Variants in MIPOL1 observed in about 807,000 individuals in gnomAD.
MIPOL1 encodes mirror-image polydactyly 1.
Under a neutral mutation model 60.9 loss-of-function variants are expected in MIPOL1, and 57 were observed. That is an observed-to-expected ratio of 0.94 (90% confidence interval 0.76 to 1.17). The LOEUF (loss-of-function observed/expected upper bound fraction) is 1.17, where lower values mean the gene tolerates loss of function less well. MIPOL1 is among the 50% of genes most tolerant of loss of function. The pLI, the probability that MIPOL1 is intolerant of heterozygous loss-of-function variation, is 0.00. For missense variants in MIPOL1, 551 were observed against 511.6 expected (o/e 1.08, Z -0.74); for synonymous variants, 179 against 168.8 (o/e 1.06, Z -0.47).
Position 37,548,028 on chromosome 14 carries a change from T to C in MIPOL1, c.*1057T>C, listed in dbSNP as rs532568262. On this transcript the variant is annotated 3_prime_UTR_variant, in exon 13 of 13. Transcript: ENST00000684589. ...AGAACTGAGATTTTTATGTAATTAG[T>C]TATAGGCAAAATACTTTCATATTTT... 1.7e-4 allele frequency: 26 copies of C among 152,166 alleles called. No homozygotes were observed. The highest frequency in any genetic ancestry group is 5.8e-4 in the African/African-American group (24 of 41,572). The allele number at this position is 152,166 out of a possible 1,614,324, so 9.4% of individuals were successfully genotyped here. A position where few individuals can be genotyped will look rare whatever the true frequency, so the allele number is the denominator to read the frequency against.
intron 10 of MIPOL1, among the ~76,000 whole-genome samples, chr14:37,377,394 T>C (rs2207861): frequency 0.97 from 147,396 of 152,156 alleles, 71,469 homozygotes; most frequent in East Asian, 1. Flanking sequence ...GAAACTGCAG[T>C]AGTCATTTTA....
chr14:37,248,062 G>C (rs1177389462), intron 3 of MIPOL1, among the ~76,000 whole-genome samples, 155 bp downstream of exon 3: 1 of 151,576 alleles, frequency 6.6e-6, no homozygotes, highest in Non-Finnish European at 1.5e-5. Context: ...CAGGGATTAT[G>C]AAAGAGATAC....
At chr14:37,496,601 G>C (rs1225335504) in intron 11 of MIPOL1, among the ~76,000 whole-genome samples, 2 of 147,726 alleles carry the variant, frequency 1.4e-5, no homozygotes, top group African/African-American at 2.5e-5. Context: ...CAAGGGATGT[G>C]AAGGACCTCT....
chr14:37,332,625 A>G (rs1026720584), intron 9 of MIPOL1, among the ~76,000 whole-genome samples: 5 of 152,224 alleles, frequency 3.3e-5, no homozygotes, highest in African/African-American at 7.2e-5. Flanking sequence ...ATACATTTAC[A>G]ATACTGAACT....
intron 3 of MIPOL1, among the ~76,000 whole-genome samples, chr14:37,264,074 G>C (rs555344810): frequency 6.6e-6 from 1 of 152,008 alleles, no homozygotes; most frequent in African/African-American, 2.4e-5. Flanking sequence ...TAGTAGCTTC[G>C]TCTCATTATT....
intron 3 of MIPOL1, among the ~76,000 whole-genome samples, chr14:37,248,943 C>T (rs1973635132): frequency 2.0e-5 from 3 of 151,716 alleles, no homozygotes; most frequent in African/African-American, 7.3e-5. Context: ...AAGACAGAGA[C>T]AGACTGAGAT....
chr14:37,307,234 A>C (rs1267558517), intron 7 of MIPOL1, among the ~76,000 whole-genome samples: 2 of 151,922 alleles, frequency 1.3e-5, no homozygotes, highest in African/African-American at 4.8e-5. Flanking sequence ...TTTTAAAATA[A>C]TTGAGATCCT....
chr14:37,241,602 G>T (rs1436412851), intron 1 of MIPOL1, among the ~76,000 whole-genome samples: 2 of 149,128 alleles, frequency 1.3e-5, no homozygotes, highest in African/African-American at 4.9e-5. Flanking sequence ...GTGGGGAGGT[G>T]GGCGGAAACC....
chr14:37,340,997 T>G (rs1435136217), intron 9 of MIPOL1, among the ~76,000 whole-genome samples: 3 of 152,182 alleles, frequency 2.0e-5, no homozygotes, highest in Non-Finnish European at 2.9e-5. Context: ...TTGCCTACAG[T>G]ATTCAGTACA....
intron 9 of MIPOL1, among the ~76,000 whole-genome samples, chr14:37,349,865 A>G (rs772174401): frequency 2.6e-5 from 4 of 152,244 alleles, no homozygotes; most frequent in Non-Finnish European, 5.9e-5. Flanking sequence ...TGCCTGGAAC[A>G]GTCATTGCTT....
chr14:37,425,532 TAGAC>T (rs2093946507), intron 11 of MIPOL1, among the ~76,000 whole-genome samples: 1 of 152,142 alleles, frequency 6.6e-6, no homozygotes, highest in Non-Finnish European at 1.5e-5. Flanking sequence ...GATTTGCAAT[TAGAC>T]AGCCATGACA....
intron 11 of MIPOL1, among the ~76,000 whole-genome samples, chr14:37,488,060 ATC>A (rs1219319945): frequency 2.0e-5 from 3 of 152,174 alleles, no homozygotes; most frequent in Non-Finnish European, 4.4e-5. Flanking sequence ...TTCAAAGAAC[ATC>A]TTTATTTCTG....
At chr14:37,316,463 G>A (rs993076478) in intron 9 of MIPOL1, among the ~76,000 whole-genome samples, 2 of 152,080 alleles carry the variant, frequency 1.3e-5, no homozygotes, top group African/African-American at 2.4e-5. Context: ...CAGAGGCAAC[G>A]TTGGAGTGTT....
intron 11 of MIPOL1, among the ~76,000 whole-genome samples, chr14:37,490,990 G>T (rs891668961): frequency 6.6e-6 from 1 of 152,090 alleles, no homozygotes; most frequent in Non-Finnish European, 1.5e-5. Context: ...TATTAAATTT[G>T]ACAGTATAAA....
At chr14:37,425,313 A>G (rs1377455939) in intron 11 of MIPOL1, among the ~76,000 whole-genome samples, 1 of 152,232 alleles carries the variant, frequency 6.6e-6, no homozygotes, top group Non-Finnish European at 1.5e-5. Context: ...TTCTCTGCTG[A>G]ATTGTGGAAG....
At chr14:37,337,356 ATTTTTTTTTTTT>A (rs33972471) in intron 9 of MIPOL1, among the ~76,000 whole-genome samples, 2 of 30,058 alleles carry the variant, frequency 6.7e-5, no homozygotes, top group Non-Finnish European at 1.0e-4. Flanking sequence ...ATATATATAT[ATTTTTTTTTTTT>A]TTTTTTTTTT....
chr14:37,422,192 T>G (rs2153550460), intron 10 of MIPOL1, among the ~76,000 whole-genome samples: 1 of 152,112 alleles, frequency 6.6e-6, no homozygotes, highest in African/African-American at 2.4e-5. Context: ...AAAAACTGAT[T>G]ACCTGTTCTT....
intron 9 of MIPOL1, among the ~76,000 whole-genome samples, chr14:37,324,539 A>G (rs927022322): frequency 6.6e-6 from 1 of 152,052 alleles, no homozygotes; most frequent in African/African-American, 2.4e-5. Flanking sequence ...TTTTCTTAAT[A>G]CCATCTTTTG....
At chr14:37,360,539 G>T (rs2092164454) in intron 9 of MIPOL1, among the ~76,000 whole-genome samples, 1 of 152,190 alleles carries the variant, frequency 6.6e-6, no homozygotes, top group South Asian at 2.1e-4. Flanking sequence ...TCCTGGTTTA[G>T]TCTTGGGAGG....
Sources: gnomAD v4.1 joint callset for allele counts (sites outside exome capture counted in the v4.1 genomes callset) on GRCh38, gnomAD v4.1.1 for gene constraint, MANE v1.5 for transcripts, NCBI Gene and HGNC (gene_info 2026-07-23, HGNC 2026-07-21) for gene names.